Variants in RPH3A observed in about 807,000 individuals in gnomAD.
RPH3A encodes rabphilin 3A, also known as rabphilin-3A.
A neutral mutation model predicts 102.2 loss-of-function variants in RPH3A; 48 were observed. That is an observed-to-expected ratio of 0.47 (90% CI 0.37 to 0.60). RPH3A has a LOEUF of 0.60. RPH3A is among the 20% of genes least tolerant of loss of function. RPH3A has a pLI of 0.00. For synonymous variants in RPH3A, 310 were observed against 324.3 expected (o/e 0.96, Z 0.47); for missense variants, 781 against 910.1 (o/e 0.86, Z 1.83).
intron 2 of RPH3A, among the ~76,000 whole-genome samples, chr12:112,797,827 G>A (rs1012443476): frequency 6.6e-6 from 1 of 152,084 alleles, no homozygotes; most frequent in Non-Finnish European, 1.5e-5. Context: ...CAAGTAGCTG[G>A]AAGTACAGAC....
At chr12:112,771,014 A>T (rs1241420694) in intron 1 of RPH3A, among the ~76,000 whole-genome samples, 1 of 152,248 alleles carries the variant, frequency 6.6e-6, no homozygotes, top group Non-Finnish European at 1.5e-5. Flanking sequence ...ATGCATATAC[A>T]CACAGACAGG....
chr12:112,825,948 T>G (rs1048509749), intron 2 of RPH3A, among the ~76,000 whole-genome samples: 5 of 152,170 alleles, frequency 3.3e-5, no homozygotes, highest in African/African-American at 1.2e-4. Flanking sequence ...ACATATTTTA[T>G]TTTAACTTCT....
At chr12:112,885,464 C>T (rs991663808) in intron 16 of RPH3A, among the ~76,000 whole-genome samples, 4 of 152,210 alleles carry the variant, frequency 2.6e-5, no homozygotes, top group Non-Finnish European at 5.9e-5. Context: ...CTAATGTACA[C>T]TATTACATTT....
chr12:112,742,654 G>T (rs1455161876), intron 1 of RPH3A, among the ~76,000 whole-genome samples: 1 of 152,166 alleles, frequency 6.6e-6, no homozygotes, highest in Non-Finnish European at 1.5e-5. Flanking sequence ...TGTCAGGGCT[G>T]GGGGAGAAAG....
At chr12:112,619,169 G>C (rs548519017) in intron 1 of RPH3A, among the ~76,000 whole-genome samples, 1 of 151,786 alleles carries the variant, frequency 6.6e-6, no homozygotes, top group South Asian at 2.1e-4. Flanking sequence ...TAACATTGGT[G>C]TTCAAGTTTT....
At chr12:112,894,348 G>T in intron 19 of RPH3A, 1 of 538,490 alleles carries the variant, frequency 1.9e-6, no homozygotes. Context: ...TGTAAACTGA[G>T]TGGTTGTGGT....
rs554843204 is a variant in RPH3A at position 112,807,640 on chromosome 12, T to C, written c.-19+15377T>C. Among the ~76,000 whole-genome samples the C allele has an allele frequency of 4.6e-5, 7 of 152,340 alleles. No homozygotes were observed. In the South Asian group the frequency reaches 1.5e-3, roughly 32 times the overall value. On this transcript the variant is annotated intron_variant, in intron 2 of 21. Transcript: ENST00000389385. ...ACCAAGTCAATATATTATGTTTGCT[T>C]GGACCAAAGCTTGGCACTTTGTAGG... is the stretch of plus-strand genomic sequence containing the variant.
intron 1 of RPH3A, among the ~76,000 whole-genome samples, chr12:112,723,500 A>G (rs532672966): frequency 1.2e-4 from 19 of 152,352 alleles, no homozygotes; most frequent in Middle Eastern, 3.4e-3. Context: ...TCCAAGATAC[A>G]TATCCTGCAA....
At position 112,890,147 on chromosome 12, in the gene RPH3A, T is replaced by C. The variant is rs932674437; in HGVS notation, c.1620+67T>C. ...ACTGGGCTAGGCTAGCATCTTCCTC[T>C]TCTCTCCCTCCCTGGCCCCTTCCTC... On this transcript the variant is annotated intron_variant, in intron 18 of 21. Transcript: ENST00000389385. 5 of 1,394,270 alleles carry C rather than the reference T, an allele frequency of 3.6e-6. No individual in the cohort carries two copies. In the African/African-American group the frequency reaches 7.1e-5, roughly 20 times the overall value. 86.4% of individuals were successfully genotyped at this position (1,394,270 alleles called of 1,614,324 possible).
intron 1 of RPH3A, among the ~76,000 whole-genome samples, chr12:112,627,220 TA>T (rs932634000): frequency 1.9e-4 from 29 of 151,472 alleles, no homozygotes; most frequent in African/African-American, 6.0e-4. Flanking sequence ...AAAAATAATT[TA>T]AAAAAAATAT....
At chr12:112,895,417 A>G in intron 20 of RPH3A, 1 of 187,870 alleles carries the variant, frequency 5.3e-6, no homozygotes, top group Non-Finnish European at 1.1e-5. Flanking sequence ...AACTACTTTT[A>G]TTCCTAAGCA....
chr12:112,621,053 G>A (rs2135980304), intron 1 of RPH3A, among the ~76,000 whole-genome samples: 1 of 149,438 alleles, frequency 6.7e-6, no homozygotes, highest in South Asian at 2.1e-4. Flanking sequence ...ATGTTACCTA[G>A]GCTGGTCTTG....
intron 1 of RPH3A, among the ~76,000 whole-genome samples, chr12:112,581,241 C>A (rs550462456): frequency 2.6e-5 from 4 of 152,084 alleles, no homozygotes; most frequent in African/African-American, 9.7e-5. Context: ...CTCACAATCA[C>A]GGTGGAAGAG....
At chr12:112,779,305 A>T (rs2040990239) in intron 1 of RPH3A, among the ~76,000 whole-genome samples, 1 of 152,158 alleles carries the variant, frequency 6.6e-6, no homozygotes, top group South Asian at 2.1e-4. Context: ...TCTCTGTCGG[A>T]GGAGTCCCAT....
At chr12:112,743,084 T>G (rs570996568) in intron 1 of RPH3A, among the ~76,000 whole-genome samples, 11 of 152,332 alleles carry the variant, frequency 7.2e-5, no homozygotes, top group African/African-American at 2.4e-4. Flanking sequence ...TTCAGACACT[T>G]GTGATTACAC....
At chr12:112,821,827 C>T (rs1482722824) in intron 2 of RPH3A, among the ~76,000 whole-genome samples, 1 of 152,090 alleles carries the variant, frequency 6.6e-6, no homozygotes, top group Non-Finnish European at 1.5e-5. Flanking sequence ...ATGTTATATC[C>T]CCTGTGCCTA....
chr12:112,690,712 T>C (rs1350954346), intron 1 of RPH3A, among the ~76,000 whole-genome samples: 1 of 152,164 alleles, frequency 6.6e-6, no homozygotes, highest in Admixed American at 6.5e-5. Flanking sequence ...TTCCTGCCTC[T>C]TGGGGAGGAG....
rs1026937406 is a variant in RPH3A at position 112,679,896 on chromosome 12, A to G, written c.-140+104577A>G. 4.6e-5 allele frequency among the ~76,000 whole-genome samples: 7 copies of G among 152,244 alleles called. No individual in the cohort carries two copies. The South Asian group carries it at 1.2e-3, about 27-fold the overall frequency. On this transcript the variant is annotated intron_variant, in intron 1 of 21. Transcript: ENST00000543106. ...ATGAATGTGCTGAGTGTCTTGAAGG[A>G]AAGAGGAAGAGGGTTTGACACAGAC...
intron 2 of RPH3A, among the ~76,000 whole-genome samples, chr12:112,795,390 G>A (rs1300543906): frequency 6.6e-6 from 1 of 152,214 alleles, no homozygotes; most frequent in Non-Finnish European, 1.5e-5. Flanking sequence ...CAGTCATGGT[G>A]GGCTGAAGCT....
Sources: allele counts gnomAD v4.1 joint callset (sites outside exome capture counted in the v4.1 genomes callset), GRCh38; gene constraint gnomAD v4.1.1; transcripts MANE v1.5; gene names NCBI Gene and HGNC (gene_info 2026-07-23, HGNC 2026-07-21).